Variants in CERCAM observed in about 807,000 individuals in gnomAD.
CERCAM encodes the protein cerebral endothelial cell adhesion molecule, also known as inactive glycosyltransferase 25 family member 3.
Under a neutral mutation model 66.0 loss-of-function variants are expected in CERCAM, and 59 were observed. The ratio of observed to expected loss-of-function variants is 0.89; its 90% CI spans 0.73 to 1.11. The LOEUF is 1.11. Ranked by LOEUF, CERCAM falls within the 50% of genes most tolerant of loss-of-function variation. The pLI, the probability that CERCAM is intolerant of heterozygous loss-of-function variation, is 0.00. For synonymous variants in CERCAM, 318 were observed against 343.6 expected, an observed-to-expected ratio of 0.93 and a Z score of 0.83; for missense variants, 840 against 828.3, an observed-to-expected ratio of 1.01 and a Z score of -0.17.
chr9:128,420,485 G>A (rs534598279), upstream of CERCAM: 9 of 154,148 alleles, frequency 5.8e-5, no homozygotes, highest in African/African-American at 2.2e-4. The surrounding 1 kb of genome is among the most constrained non-coding windows in gnomAD (Gnocchi z 5.0). Flanking sequence ...GTGGGCCGGG[G>A]AATCCGGATT....
In CERCAM at chr9:128,434,416, C is replaced by T. The variant is rs7258; in HGVS notation, c.1338C>T (p.Leu446=). The T allele has an allele frequency of 0.2, 322,398 of 1,612,594 alleles. 35,239 individuals are homozygous for T. Among genetic ancestry groups the T allele is most frequent in the East Asian group, 0.42 (18,655 of 44,806 alleles). Residue 446 remains leucine, a synonymous_variant, in exon 11 of 13, where the codon CTC becomes CTT. Transcript: ENST00000372838. This position sits in a 1 kb window ranked among gnomAD's most constrained non-coding sequence, Gnocchi z 4.5. ...AEKLSWDLIY[L]GRKQVNPEKE... ...CCCTTGGTGTCACTTACAGCTACCT[C>T]GGACGGAAGCAGGTGAACCCTGAGA...
At position 128,428,788 on chromosome 9, in the gene CERCAM, T is replaced by G. The variant is rs770681685; in HGVS notation, c.918T>G (p.His306Gln). 1.6e-5 allele frequency: 26 copies of G among 1,613,826 alleles called. No homozygotes were observed. The East Asian group carries it at 5.6e-4, about 35-fold the overall frequency. The change falls in exon 7 of 13, where the codon CAT becomes CAG. Residue 306 changes from histidine to glutamine, a missense_variant. His to Gln is a conservative substitution (Grantham distance 24). Coordinates refer to ENST00000372838, the MANE Select transcript of CERCAM (RefSeq NM_016174.5). ...GCCCCCGCATGCAGGCCTCAGCTCA[T>G]GTGACTCGGCCCTCTAAGAGGCCCA... Reference protein sequence around the residue: ...VDGPRMQASAHVTRPSKRPSK... With the variant: ...VDGPRMQASAQVTRPSKRPSK...
chr9:128,435,381 G>A (rs187057415), intron 11 of CERCAM, among the ~76,000 whole-genome samples: 7 of 152,266 alleles, frequency 4.6e-5, no homozygotes, highest in East Asian at 1.9e-4. Context: ...TGATCCGCCC[G>A]TCTCGGCTTC....
chr9:128,421,143 G>A (rs1833700455), intron 1 of CERCAM, 69 bp downstream of exon 1: 2 of 1,260,746 alleles, frequency 1.6e-6, no homozygotes, highest in South Asian at 5.7e-5. Context: ...CCCCGCCCCC[G>A]GCGGCCCTGT....
Position 128,420,956 on chromosome 9 carries a change from G to T in CERCAM, c.79G>T (p.Glu27Ter). 6.8e-7 allele frequency: 1 copy of T among 1,463,170 alleles called. No homozygotes were observed. The allele number at this position is 1,463,170 out of a possible 1,614,324, so 90.6% of individuals were successfully genotyped here. ...GTGGCTGGAGGCTGCGGGCGTTGCGGAGTCGCCGCTGCCCGCCGTGGTCCT... is the reference window on the plus strand; with the variant it reads ...GTGGCTGGAGGCTGCGGGCGTTGCGTAGTCGCCGCTGCCCGCCGTGGTCCT... ...GPWLEAAGVA[E>*]SPLPAVVLAI... Residue 27 changes from glutamate (E) to a stop codon, truncating the protein, a stop_gained, in exon 1 of 13, where the codon GAG (glutamate) becomes TAG (stop). Transcript: ENST00000372838. LOFTEE classifies it high-confidence loss of function. This position sits in a 1 kb window ranked among gnomAD's most constrained non-coding sequence, Gnocchi z 5.0.
chr9:128,421,399 C>T, intron 1 of CERCAM: 1 of 1,097,940 alleles, frequency 9.1e-7, no homozygotes, highest in Non-Finnish European at 1.1e-6. Context: ...CCCAGCTCAA[C>T]CCCAGTGGGA....
rs1000454858 is a variant in CERCAM, at chr9:128,434,808, C to G, written c.1535+195C>G. On this transcript the variant is annotated intron_variant, in intron 11 of 12. Transcript: ENST00000372838. This position sits in a 1 kb window ranked among gnomAD's most constrained non-coding sequence, Gnocchi z 4.5. ...GTCCATTCTCGGTGTGTACTTTGCA[C>G]AGTGCATGCAGGCTTTTTTTTGAAA... Among the ~76,000 whole-genome samples the G allele has an allele frequency of 3.3e-5, 5 of 152,082 alleles. No individual in the cohort carries two copies. Among genetic ancestry groups the G allele is most frequent in the Non-Finnish European group, 5.9e-5 (4 of 68,010 alleles).
rs148040801 is a variant in CERCAM, at chr9:128,424,474, G to T, written c.626G>T (p.Arg209Leu). The stretch of plus-strand genomic sequence containing the variant: ...AACCGCCAGCGCCGGGGCTGCTTCC[G>T]TGTCCCCATGGTCCACTCCACCTTC... ...TKNRQRRGCF[R>L]VPMVHSTFLA... Residue 209 changes from arginine to leucine, a missense_variant, in exon 5 of 13, where the codon CGT becomes CTT. Arg to Leu is a moderately radical substitution (Grantham distance 102). Coordinates refer to ENST00000372838, the MANE Select transcript of CERCAM (RefSeq NM_016174.5). 1 of 1,613,710 alleles carries T rather than the reference G, an allele frequency of 6.2e-7. No homozygotes were observed. The highest frequency in any genetic ancestry group is 8.5e-7 in the Non-Finnish European group (1 of 1,179,954).
rs1404060176 is a variant in CERCAM, at chr9:128,428,783, G to T, written c.913G>T (p.Ala305Ser). The T allele has an allele frequency of 2.5e-6, 4 of 1,614,020 alleles. No homozygotes were observed. The highest frequency in any genetic ancestry group is 3.4e-6 in the Non-Finnish European group (4 of 1,179,998). The change falls in exon 7 of 13, where the codon GCT (alanine) becomes TCT (serine). Residue 305 changes from alanine (A) to serine (S), a missense_variant. Coordinates refer to ENST00000372838, the MANE Select transcript of CERCAM (RefSeq NM_016174.5). Reference protein sequence around the residue: ...LVDGPRMQASAHVTRPSKRPS... With the variant: ...LVDGPRMQASSHVTRPSKRPS... ...GGACGGCCCCCGCATGCAGGCCTCAGCTCATGTGACTCGGCCCTCTAAGAG... is the reference window on the plus strand; with the variant it reads ...GGACGGCCCCCGCATGCAGGCCTCATCTCATGTGACTCGGCCCTCTAAGAG...
chr9:128,434,618 G>A lies in CERCAM; in HGVS notation c.1535+5G>A. On this transcript the variant is annotated splice_donor_5th_base_variant and intron_variant, in intron 11 of 12. Coordinates refer to ENST00000372838, the MANE Select transcript of CERCAM (RefSeq NM_016174.5). The surrounding 1 kb of genome is among the most constrained non-coding windows in gnomAD (Gnocchi z 4.5). ...CATGTTCGACCAGCACCCCAAGTGA[G>A]GCTCTGATGGGGGCCGGGCATGGCA... The A allele has an allele frequency of 1.3e-6, 2 of 1,582,528 alleles. No homozygotes were observed. The highest frequency in any genetic ancestry group is 1.7e-6 in the Non-Finnish European group (2 of 1,175,972).
At chr9:128,423,997 A>G (rs891706094) in intron 3 of CERCAM, 141 bp from the exon 4 acceptor site, 1 of 880,342 alleles carries the variant, frequency 1.1e-6, no homozygotes, top group Non-Finnish European at 1.8e-6. Context: ...AAACAGATGT[A>G]CTGAGTTTGT....
upstream of CERCAM, chr9:128,420,521 C>A (rs1424641318): frequency 2.5e-5 from 4 of 159,646 alleles, no homozygotes; most frequent in African/African-American, 9.6e-5. This position sits in a 1 kb window ranked among gnomAD's most constrained non-coding sequence, Gnocchi z 5.0. Context: ...CCAGGGGTTC[C>A]ATGAGCCCCT....
chr9:128,420,487 A>C, upstream of CERCAM: 2 of 153,584 alleles, frequency 1.3e-5, no homozygotes, highest in South Asian at 2.1e-4. This position sits in a 1 kb window ranked among gnomAD's most constrained non-coding sequence, Gnocchi z 5.0. Flanking sequence ...GGGCCGGGGA[A>C]TCCGGATTCC....
At chr9:128,423,055 G>C in intron 2 of CERCAM, 77 bp downstream of exon 2, 1 of 1,608,778 alleles carries the variant, frequency 6.2e-7, no homozygotes, top group Non-Finnish European at 8.5e-7. Context: ...ACAGCCCAGA[G>C]CCACAGCCTC....
chr9:128,422,551 G>A (rs1432533886), intron 1 of CERCAM: 2 of 264,466 alleles, frequency 7.6e-6, no homozygotes, highest in African/African-American at 4.3e-5. Context: ...CTGGGCGACA[G>A]AGCAAGATTC....
At chr9:128,420,806 C>T, upstream of CERCAM, 1 of 700,388 alleles carries the variant, frequency 1.4e-6, no homozygotes, top group Non-Finnish European at 1.9e-6. The surrounding 1 kb of genome is among the most constrained non-coding windows in gnomAD (Gnocchi z 5.0). Context: ...CCGCCCGGGC[C>T]CCAGGCCCCG....
intron 8 of CERCAM, among the ~76,000 whole-genome samples, chr9:128,429,610 T>TC (rs1455658724): frequency 6.6e-6 from 1 of 152,116 alleles, no homozygotes; most frequent in Non-Finnish European, 1.5e-5. Context: ...CTTTTTATTT[T>TC]TTTTTTAGAG....
At position 128,420,876 on chromosome 9, in the gene CERCAM, C is replaced by T; in HGVS notation, c.-2C>T. The T allele has an allele frequency of 7.9e-7, 1 of 1,269,854 alleles. No homozygotes were observed. Among genetic ancestry groups the T allele is most frequent in the Non-Finnish European group, 9.9e-7 (1 of 1,007,834 alleles). 78.7% of individuals were successfully genotyped at this position (1,269,854 alleles called of 1,614,324 possible). The stretch of plus-strand genomic sequence containing the variant: ...GCCGCTGCAGCCGCCCAAGCGCCCG[C>T]CATGCGCGCTGCCCGCGCCGCGCCG... On this transcript the variant is annotated 5_prime_UTR_variant, in exon 1 of 13. Transcript: ENST00000372838. The surrounding 1 kb of genome is among the most constrained non-coding windows in gnomAD (Gnocchi z 5.0).
Position 128,434,300 on chromosome 9 carries a change from A to G in CERCAM, c.1331+71A>G. On this transcript the variant is annotated intron_variant, in intron 10 of 12. Coordinates refer to ENST00000372838, the MANE Select transcript of CERCAM (RefSeq NM_016174.5). The surrounding 1 kb of genome is among the most constrained non-coding windows in gnomAD (Gnocchi z 4.5). ...CGGAGTCTGCCTTTTCCTGCTTGGG[A>G]CCCTGGCCGGCCCATCCCCTGAGAG... 6.2e-7 allele frequency: 1 copy of G among 1,603,822 alleles called. No individual in the cohort carries two copies. Among genetic ancestry groups the G allele is most frequent in the South Asian group, 1.1e-5 (1 of 90,164 alleles).
Sources: allele counts gnomAD v4.1 joint callset (sites outside exome capture counted in the v4.1 genomes callset), GRCh38; gene constraint gnomAD v4.1.1; non-coding constraint Gnocchi (gnomAD v3.1); transcripts MANE v1.5; gene names NCBI Gene and HGNC (gene_info 2026-07-23, HGNC 2026-07-21).